PJA2: variants seen among roughly 807,000 people sequenced by gnomAD.
The protein encoded by PJA2 is praja ring finger ubiquitin ligase 2.
Under a neutral mutation model 69.3 loss-of-function variants are expected in PJA2, and 25 were observed. That is an observed-to-expected ratio of 0.36 (90% CI 0.26 to 0.50). The LOEUF (loss-of-function observed/expected upper bound fraction) is 0.50. Ranked by LOEUF, PJA2 falls within the 20% of genes least tolerant of loss-of-function variation. The pLI is 0.96. For missense variants in PJA2, 809 were observed against 830.2 expected (o/e 0.97, Z 0.31); for synonymous variants, 308 against 277.8 (o/e 1.11, Z -1.08).
intron 1 of PJA2, among the ~76,000 whole-genome samples, chr5:109,384,412 A>T (rs1014970402): frequency 6.6e-6 from 1 of 152,242 alleles, no homozygotes; most frequent in East Asian, 1.9e-4. Context: ...GAACAAATAC[A>T]AAAAGAACTT....
At chr5:109,345,344 G>A (rs1408141847) in intron 7 of PJA2, among the ~76,000 whole-genome samples, 3 of 145,938 alleles carry the variant, frequency 2.1e-5, no homozygotes, top group African/African-American at 7.6e-5. Context: ...CAACAAGAAC[G>A]AAACTCCATC....
In PJA2 at chr5:109,335,744, G is replaced by A. The variant is rs1480965170; in HGVS notation, c.*1487C>T. 1 of 152,524 alleles carries A rather than the reference G, an allele frequency of 6.6e-6. No individual in the cohort carries two copies. The highest frequency in any genetic ancestry group is 1.5e-5 in the Non-Finnish European group (1 of 68,028). 9.4% of individuals were successfully genotyped at this position (152,524 alleles called of 1,614,324 possible). A position where few individuals can be genotyped will look rare whatever the true frequency, so the allele number is the denominator to read the frequency against. ...TACAACAGTGACTATATACATCAGA[G>A]GGAAAACATGCTAGCTAATGCAACA... On this transcript the variant is annotated 3_prime_UTR_variant, in exon 10 of 10. Coordinates refer to ENST00000361189, the MANE Select transcript of PJA2 (RefSeq NM_014819.5).
rs1446912126 is a variant in PJA2, at chr5:109,343,323, A to T, written c.2001+867T>A. Among the ~76,000 whole-genome samples the T allele has an allele frequency of 7.8e-5, 9 of 114,876 alleles. No homozygotes were observed. In the South Asian group the frequency reaches 2.7e-3, roughly 35 times the overall value. 75.4% of individuals were successfully genotyped at this position (114,876 alleles called of 152,430 possible). The stretch of plus-strand genomic sequence containing the variant: ...AAAGAAAGAAAGAAAAAAAGAAAAT[A>T]TGTAAATAAAGAGAGATAATGTACC... On this transcript the variant is annotated intron_variant, in intron 9 of 9. Coordinates refer to ENST00000361189, the MANE Select transcript of PJA2 (RefSeq NM_014819.5).
intron 1 of PJA2, among the ~76,000 whole-genome samples, chr5:109,391,466 T>C (rs766267294): frequency 6.6e-6 from 1 of 152,112 alleles, no homozygotes; most frequent in African/African-American, 2.4e-5. Flanking sequence ...CAAATGAGAA[T>C]AGTATTCTAC....
chr5:109,344,331 C>T lies in PJA2; in HGVS notation c.1880-20G>A, dbSNP rs1231266465. The T allele has an allele frequency of 5.7e-6, 9 of 1,581,262 alleles. No homozygotes were observed. The highest frequency in any genetic ancestry group is 7.7e-6 in the Non-Finnish European group (9 of 1,166,770). ...CAATAGCTGAAAACAACAAATAATT[C>T]AGGTCAATCACACGTAGTTCAATTT... On this transcript the variant is annotated intron_variant, in intron 8 of 9. Transcript: ENST00000361189.
At chr5:109,348,600 AT>A in intron 7 of PJA2, among the ~76,000 whole-genome samples, 2 of 152,188 alleles carry the variant, frequency 1.3e-5, no homozygotes, top group Non-Finnish European at 2.9e-5. Flanking sequence ...AAACCCTGTG[AT>A]AATCTCACCT....
chr5:109,371,294 A>G (rs1391153155), intron 4 of PJA2, among the ~76,000 whole-genome samples: 1 of 152,152 alleles, frequency 6.6e-6, no homozygotes, highest in East Asian at 1.9e-4. Flanking sequence ...ACTACCCTCT[A>G]AGCATTTTAA....
At chr5:109,340,156 T>A (rs546833330) in intron 9 of PJA2, among the ~76,000 whole-genome samples, 1 of 152,214 alleles carries the variant, frequency 6.6e-6, no homozygotes, top group Non-Finnish European at 1.5e-5. Context: ...GATTTTGTTG[T>A]TAATAAAATA....
chr5:109,366,224 A>T (rs1009000746), intron 5 of PJA2, among the ~76,000 whole-genome samples: 3 of 152,236 alleles, frequency 2.0e-5, no homozygotes, highest in Non-Finnish European at 2.9e-5. Flanking sequence ...CTTACTAAAT[A>T]GTCTGAATCA....
intron 1 of PJA2, among the ~76,000 whole-genome samples, chr5:109,393,388 T>C (rs1198555777): frequency 3.3e-5 from 5 of 152,234 alleles, no homozygotes; most frequent in South Asian, 2.1e-4. Context: ...GCTGTAAATA[T>C]ACATCTCTGC....
intron 6 of PJA2, among the ~76,000 whole-genome samples, chr5:109,359,669 G>C (rs1468569406): frequency 2.6e-5 from 4 of 152,126 alleles, no homozygotes; most frequent in Admixed American, 1.3e-4. Context: ...AACAAAGACT[G>C]AGGAAACGTC....
At chr5:109,402,336 T>C (rs1422837347) in intron 1 of PJA2, among the ~76,000 whole-genome samples, 1 of 152,042 alleles carries the variant, frequency 6.6e-6, no homozygotes, top group Admixed American at 6.6e-5. Context: ...AAAGACAGAT[T>C]AAATGGATGG....
intron 1 of PJA2, among the ~76,000 whole-genome samples, chr5:109,401,223 G>T (rs939078108): frequency 2.6e-5 from 4 of 152,094 alleles, no homozygotes; most frequent in African/African-American, 9.7e-5. Flanking sequence ...GGTAGAGGTT[G>T]CAGTGAGCTG....
At chr5:109,357,262 A>G (rs1762428316) in intron 6 of PJA2, among the ~76,000 whole-genome samples, 1 of 150,884 alleles carries the variant, frequency 6.6e-6, no homozygotes, top group African/African-American at 2.4e-5. Context: ...TCCATATCCT[A>G]TTTGAATATC....
intron 7 of PJA2, among the ~76,000 whole-genome samples, chr5:109,349,303 C>A (rs578133614): frequency 6.6e-6 from 1 of 152,178 alleles, no homozygotes; most frequent in Non-Finnish European, 1.5e-5. Flanking sequence ...TCCCTCCTAA[C>A]AGCTGGCATG....
intron 1 of PJA2, among the ~76,000 whole-genome samples, chr5:109,397,938 A>T (rs1352721679): frequency 6.6e-6 from 1 of 152,194 alleles, no homozygotes; most frequent in Non-Finnish European, 1.5e-5. Context: ...GAATCTACAA[A>T]GAACTCAAAC....
At chr5:109,364,138 G>C (rs1375586491) in intron 5 of PJA2, among the ~76,000 whole-genome samples, 4 of 152,032 alleles carry the variant, frequency 2.6e-5, no homozygotes, top group South Asian at 2.1e-4. Context: ...GCGAGACTGT[G>C]TCTCAAAAAA....
intron 1 of PJA2, among the ~76,000 whole-genome samples, chr5:109,385,385 T>A (rs189307419): frequency 6.6e-5 from 10 of 152,204 alleles, no homozygotes; most frequent in Admixed American, 1.3e-4. Context: ...TTTACTAATA[T>A]AGGATATGAA....
chr5:109,339,493 G>C (rs962064961), intron 9 of PJA2, among the ~76,000 whole-genome samples: 4 of 152,186 alleles, frequency 2.6e-5, no homozygotes. Flanking sequence ...AGGAAATAAA[G>C]TAGGTCACTA....
Sources: gnomAD v4.1 joint callset for allele counts (sites outside exome capture counted in the v4.1 genomes callset) on GRCh38, gnomAD v4.1.1 for gene constraint, MANE v1.5 for transcripts, NCBI Gene and HGNC (gene_info 2026-07-23, HGNC 2026-07-21) for gene names.